SYT7: variants seen among roughly 807,000 people sequenced by gnomAD.
SYT7 encodes the protein synaptotagmin 7.
A neutral mutation model predicts 75.1 loss-of-function variants in SYT7; 29 were observed. The observed-to-expected ratio is 0.39, with a 90% CI of 0.29 to 0.53. The LOEUF (loss-of-function observed/expected upper bound fraction) is 0.53, where lower values mean the gene tolerates loss of function less well. Among genes scored for constraint, SYT7 ranks in the 20% least tolerant of loss-of-function variants. SYT7 has a pLI of 0.77. For synonymous variants in SYT7, 376 were observed against 401.7 expected, an observed-to-expected ratio of 0.94 and a Z score of 0.76; for missense variants, 693 against 953.2, an observed-to-expected ratio of 0.73 and a Z score of 3.59.
chr11:61,544,586 C>T (rs1306719065), intron 5 of SYT7, among the ~76,000 whole-genome samples: 1 of 152,190 alleles, frequency 6.6e-6, no homozygotes, highest in Non-Finnish European at 1.5e-5. Context: ...GGCACATTGG[C>T]AGCTGCCTCC....
chr11:61,581,772 C>A (rs2064281559), upstream of SYT7, among the ~76,000 whole-genome samples: 1 of 152,220 alleles, frequency 6.6e-6, no homozygotes, highest in Non-Finnish European at 1.5e-5. Flanking sequence ...CTGGCTATCC[C>A]TCTATAGCAG....
intron 9 of SYT7, among the ~76,000 whole-genome samples, chr11:61,525,131 C>G (rs906852468): frequency 2.0e-5 from 3 of 152,238 alleles, no homozygotes; most frequent in South Asian, 2.1e-4. Flanking sequence ...TCATCCGAGC[C>G]GCTGGCACCT....
chr11:61,541,406 G>C, intron 6 of SYT7: 1 of 695,252 alleles, frequency 1.4e-6, no homozygotes, highest in Non-Finnish European at 1.8e-6. Context: ...AGAGATGCTG[G>C]GGAGGGGGCT....
chr11:61,533,138 A>G lies in SYT7; in HGVS notation c.1065-14T>C, dbSNP rs777208642. 22 of 1,566,662 alleles carry G rather than the reference A, an allele frequency of 1.4e-5. No individual in the cohort carries two copies. Among genetic ancestry groups the G allele is most frequent in the Non-Finnish European group, 1.9e-5 (22 of 1,156,760 alleles). Reference sequence around the variant, plus strand: ...CCTGCAGGCAACCTGAGGGCAGGGGAGTCCAAATGAGATTGGGCTGGGAAG... The same window carrying G: ...CCTGCAGGCAACCTGAGGGCAGGGGGGTCCAAATGAGATTGGGCTGGGAAG... On this transcript the variant is annotated splice_polypyrimidine_tract_variant and intron_variant, in intron 7 of 12. Transcript: ENST00000539008.
intron 1 of SYT7, among the ~76,000 whole-genome samples, chr11:61,572,523 G>A (rs561569120): frequency 6.6e-6 from 1 of 152,272 alleles, no homozygotes; most frequent in South Asian, 2.1e-4. Context: ...CTGCTCTACT[G>A]AGTGACCCGG....
At chr11:61,578,744 TCCAGCCTATGTCTGACCCCAC>T (rs2064153852) in intron 1 of SYT7, among the ~76,000 whole-genome samples, 2 of 152,122 alleles carry the variant, frequency 1.3e-5, no homozygotes, top group South Asian at 4.1e-4. Flanking sequence ...CTGTGCCCTC[TCCAGCCTATGTCTGACCCCAC>T]CCAGCCCAAT....
chr11:61,538,829 C>T (rs916389712), intron 6 of SYT7, among the ~76,000 whole-genome samples: 6 of 152,194 alleles, frequency 3.9e-5, no homozygotes, highest in African/African-American at 7.2e-5. Flanking sequence ...ATCCAGTGGG[C>T]GCTGCACCCT....
intron 1 of SYT7, among the ~76,000 whole-genome samples, chr11:61,557,138 T>C (rs1008412653): frequency 6.6e-6 from 1 of 152,168 alleles, no homozygotes; most frequent in Non-Finnish European, 1.5e-5. Flanking sequence ...TGGGTGATTG[T>C]AAACATTAGC....
upstream of SYT7, chr11:61,581,147 G>C (rs2064258871): frequency 1.2e-5 from 2 of 162,076 alleles, no homozygotes; most frequent in African/African-American, 4.9e-5. Flanking sequence ...GAGCGCGCCC[G>C]GGGCACCGCC....
At chr11:61,530,056 CTGGAACACG>C (rs1218177580) in intron 8 of SYT7, among the ~76,000 whole-genome samples, 1 of 152,234 alleles carries the variant, frequency 6.6e-6, no homozygotes, top group Non-Finnish European at 1.5e-5. Context: ...AGCACTCCCG[CTGGAACACG>C]TGGAACACAG....
At position 61,538,374 on chromosome 11, in the gene SYT7, AG is replaced by A. The variant is rs2135206656; in HGVS notation, c.942-109del. 4 of 898,422 alleles carry A rather than the reference AG, an allele frequency of 4.5e-6. No homozygotes were observed. In the East Asian group the frequency reaches 1.1e-4, roughly 25 times the overall value. 55.7% of individuals were successfully genotyped at this position (898,422 alleles called of 1,614,324 possible). A position where few individuals can be genotyped will look rare whatever the true frequency, so the allele number is the denominator to read the frequency against. On this transcript the variant is annotated intron_variant, in intron 6 of 12. Transcript: ENST00000539008. ...GAGAGAGAGAGAGAGAGAGAGAGAG[AG>A]AGAGAGAGAGAGAAAGAGAGAGAGA...
At chr11:61,541,796 G>C (rs901627174) in intron 6 of SYT7, among the ~76,000 whole-genome samples, 1 of 152,016 alleles carries the variant, frequency 6.6e-6, no homozygotes, top group Non-Finnish European at 1.5e-5. Context: ...CAGGGGAGGA[G>C]GCAGGGCTGG....
intron 6 of SYT7, among the ~76,000 whole-genome samples, chr11:61,538,880 T>C (rs1450765979): frequency 1.3e-5 from 2 of 152,224 alleles, no homozygotes; most frequent in African/African-American, 4.8e-5. Context: ...TGTGTCATGG[T>C]CAACCAGATG....
At chr11:61,537,996 C>T (rs993208692) in intron 7 of SYT7, 148 bp downstream of exon 7, 2 of 1,255,194 alleles carry the variant, frequency 1.6e-6, no homozygotes, top group Non-Finnish European at 1.1e-6. Flanking sequence ...CGTGAGGGCA[C>T]CGGCTGGGGA....
At position 61,551,390 on chromosome 11, in the gene SYT7, G is replaced by A; in HGVS notation, c.209C>T (p.Ala70Val). Reference protein sequence around the residue: ...DSGRGRSEKKAINDLDRDFWN... With the variant: ...DSGRGRSEKKVINDLDRDFWN... ...CTAGCAGCCTGGCACCTACTTGATA[G>A]CCTTCTTCTCACTGCGCCCACGCCC... The change falls in exon 3 of 13, where the codon GCT becomes GTT. Residue 70 changes from alanine (A) to valine (V), a missense_variant. Physicochemically the swap from Ala to Val is moderately conservative, Grantham distance 64. Coordinates refer to ENST00000539008, the MANE Select transcript of SYT7 (RefSeq NM_001365809.2). This position sits in a 1 kb window ranked among gnomAD's most constrained non-coding sequence, Gnocchi z 5.3. 6.2e-7 allele frequency: 1 copy of A among 1,613,792 alleles called. No individual in the cohort carries two copies. Among genetic ancestry groups the A allele is most frequent in the Non-Finnish European group, 8.5e-7 (1 of 1,179,952 alleles).
At chr11:61,539,215 T>A (rs981932590) in intron 6 of SYT7, among the ~76,000 whole-genome samples, 7 of 152,098 alleles carry the variant, frequency 4.6e-5, no homozygotes, top group African/African-American at 1.7e-4. Context: ...GGGAGCACAG[T>A]CAAGGCTGAA....
At position 61,576,389 on chromosome 11, in the gene SYT7, C is replaced by T. The variant is rs893225420; in HGVS notation, c.31+4401G>A. Among the ~76,000 whole-genome samples the T allele has an allele frequency of 1.3e-5, 2 of 152,336 alleles. No homozygotes were observed. The highest frequency in any genetic ancestry group is 4.8e-5 in the African/African-American group (2 of 41,578). ...CACCTGGCCAGACCAGTGACTGCCC[C>T]GACGAGAGAAAGTTGACCTCTCGGC... is the stretch of plus-strand genomic sequence containing the variant. On this transcript the variant is annotated intron_variant, in intron 1 of 12. Coordinates refer to ENST00000539008, the MANE Select transcript of SYT7 (RefSeq NM_001365809.2). The surrounding 1 kb of genome is among the most constrained non-coding windows in gnomAD (Gnocchi z 4.1).
intron 6 of SYT7, among the ~76,000 whole-genome samples, chr11:61,538,686 G>A (rs1339844821): frequency 1.3e-5 from 2 of 152,154 alleles, no homozygotes; most frequent in Non-Finnish European, 2.9e-5. Flanking sequence ...CACAGGCCCT[G>A]GGACCCCACA....
rs557473222 is a variant in SYT7, at chr11:61,558,539, T to C, written c.32-2332A>G. Among the ~76,000 whole-genome samples the C allele has an allele frequency of 2.9e-3, 408 of 141,492 alleles. 1 individual carries two copies. The highest frequency in any genetic ancestry group is 0.011 in the Middle Eastern group (3 of 282). 92.8% of individuals were successfully genotyped at this position (141,492 alleles called of 152,430 possible). A position where few individuals can be genotyped will look rare whatever the true frequency, so the allele number is the denominator to read the frequency against. ...ACACACACACACACACACACACATA[T>C]ATATATAAATTATGAGGGTGTGTGT... is the stretch of plus-strand genomic sequence containing the variant. On this transcript the variant is annotated intron_variant, in intron 1 of 12. Coordinates refer to ENST00000539008, the MANE Select transcript of SYT7 (RefSeq NM_001365809.2).
Sources: gnomAD v4.1 joint callset for allele counts (sites outside exome capture counted in the v4.1 genomes callset) on GRCh38, gnomAD v4.1.1 for gene constraint, Gnocchi (gnomAD v3.1) non-coding constraint, MANE v1.5 for transcripts, NCBI Gene and HGNC (gene_info 2026-07-23, HGNC 2026-07-21) for gene names.